Variants in JHY observed in about 807,000 individuals in gnomAD.
JHY encodes jhy protein homolog.
Under a neutral mutation model 78.0 loss-of-function variants are expected in JHY, and 69 were observed. The observed-to-expected ratio is 0.88, with a 90% CI of 0.73 to 1.08. The LOEUF is 1.08. Among genes scored for constraint, JHY ranks in the 50% least tolerant of loss-of-function variants. JHY has a pLI of 0.00. For missense variants in JHY, 944 were observed against 927.8 expected (o/e 1.02, Z -0.23); for synonymous variants, 368 against 342.6 (o/e 1.07, Z -0.82).
chr11:122,955,379 C>A (rs532596931), intron 6 of JHY, among the ~76,000 whole-genome samples: 27 of 152,122 alleles, frequency 1.8e-4, no homozygotes, highest in African/African-American at 5.6e-4. Context: ...CTTCAGCCCC[C>A]CAAAGTGCTG....
chr11:122,910,282 CT>C (rs576626290), intron 3 of JHY, among the ~76,000 whole-genome samples: 50 of 152,190 alleles, frequency 3.3e-4, no homozygotes, highest in Middle Eastern at 3.4e-3. Context: ...TGAGACCCGC[CT>C]GACCAACATG....
Position 122,959,280 on chromosome 11 carries a change from C to T in JHY, c.2172C>T (p.Pro724=), listed in dbSNP as rs1193545187. 6.2e-7 allele frequency: 1 copy of T among 1,613,958 alleles called. No individual in the cohort carries two copies. Among genetic ancestry groups the T allele is most frequent in the Non-Finnish European group, 8.5e-7 (1 of 1,180,040 alleles). Residue 724 remains proline (P), a synonymous_variant, in exon 9 of 9, where the codon CCC becomes CCT. Transcript: ENST00000227349. The part of the protein sequence containing the change: ...ALEYAKTIPK[P]KPSNLTHQAS... ...AATACGCTAAGACCATCCCCAAACC[C>T]AAACCATCAAATCTGACTCATCAAG... is the stretch of plus-strand genomic sequence containing the variant.
In JHY at chr11:122,960,967, A is replaced by G. The variant is rs1248074607; in HGVS notation, c.*1522A>G. On this transcript the variant is annotated 3_prime_UTR_variant, in exon 9 of 9. Transcript: ENST00000227349. ...CAGAACATGATGCGTTGAAAGGAAC[A>G]AGAGCACATGATAAATTGGGTGCAG... The G allele has an allele frequency of 1.3e-6, 1 of 769,294 alleles. No homozygotes were observed. Among genetic ancestry groups the G allele is most frequent in the Non-Finnish European group, 2.4e-6 (1 of 423,122 alleles). 47.7% of individuals were successfully genotyped at this position (769,294 alleles called of 1,614,324 possible).
intron 3 of JHY, among the ~76,000 whole-genome samples, chr11:122,911,732 C>T (rs919585903): frequency 6.6e-6 from 1 of 150,730 alleles, no homozygotes; most frequent in African/African-American, 2.4e-5. Flanking sequence ...ATGGAGAAAC[C>T]CCATCTCTAC....
intron 2 of JHY, among the ~76,000 whole-genome samples, chr11:122,889,314 T>C (rs1327019482): frequency 1.4e-5 from 1 of 73,390 alleles, no homozygotes; most frequent in African/African-American, 5.3e-5. Context: ...TTCGATAGAG[T>C]TGGCTTTCCG....
rs547253903 is a variant in JHY at position 122,921,230 on chromosome 11, T to C, written c.865-3667T>C. On this transcript the variant is annotated intron_variant, in intron 3 of 8. Coordinates refer to ENST00000227349, the MANE Select transcript of JHY (RefSeq NM_024806.4). ...GAAGCGTGGGACACTGTATTTTTAA[T>C]TTGTAAACTTTTCACCAGTGCTATG... Among the ~76,000 whole-genome samples the C allele has an allele frequency of 5.2e-4, 79 of 152,320 alleles. 1 individual carries two copies. Among genetic ancestry groups the C allele is most frequent in the African/African-American group, 1.9e-3 (77 of 41,578 alleles).
intron 3 of JHY, among the ~76,000 whole-genome samples, chr11:122,920,766 TA>T (rs937821888): frequency 1.3e-5 from 2 of 152,198 alleles, no homozygotes; most frequent in Non-Finnish European, 2.9e-5. Flanking sequence ...TACCTCAGTG[TA>T]AACACCTCAT....
Position 122,946,774 on chromosome 11 carries a change from G to C in JHY, c.1911G>C (p.Lys637Asn). 1.2e-6 allele frequency: 2 copies of C among 1,612,108 alleles called. No individual in the cohort carries two copies. Among genetic ancestry groups the C allele is most frequent in the Admixed American group, 1.7e-5 (1 of 59,558 alleles). ...AACTGGAAAAGGGAAAAAAGCATAA[G>C]AAAAGAAGCAGCAGTAAGGTAATAA... Reference protein sequence around the residue: ...LFQLEKGKKHKKRSSSKNTKL... With the variant: ...LFQLEKGKKHNKRSSSKNTKL... The change falls in exon 6 of 9, where the codon AAG becomes AAC. Residue 637 changes from lysine to asparagine, a missense_variant. Transcript: ENST00000227349.
At chr11:122,955,767 C>T (rs1483169647) in intron 6 of JHY, among the ~76,000 whole-genome samples, 2 of 152,096 alleles carry the variant, frequency 1.3e-5, no homozygotes, top group Non-Finnish European at 2.9e-5. Context: ...TATCTTTTCC[C>T]CCCAATAATC....
intron 3 of JHY, among the ~76,000 whole-genome samples, chr11:122,907,191 A>G (rs558628231): frequency 4.6e-5 from 7 of 152,150 alleles, no homozygotes; most frequent in African/African-American, 1.4e-4. Context: ...GTTTGACCTA[A>G]CAGTGACATA....
intron 5 of JHY, among the ~76,000 whole-genome samples, chr11:122,937,015 G>T (rs902116170): frequency 2.0e-5 from 3 of 152,038 alleles, no homozygotes; most frequent in South Asian, 4.1e-4. Context: ...TTTTGTTGTT[G>T]TTTGTGAGCA....
intron 3 of JHY, among the ~76,000 whole-genome samples, chr11:122,921,497 T>G (rs1285595539): frequency 3.3e-5 from 5 of 152,220 alleles, no homozygotes; most frequent in African/African-American, 1.2e-4. Context: ...CTTAGTTAGT[T>G]TTTTTACTCT....
rs1302567100 is a variant in JHY, at chr11:122,962,226, A to C, written c.*2781A>C. 6.6e-6 allele frequency among the ~76,000 whole-genome samples: 1 copy of C among 152,230 alleles called. No homozygotes were observed. Among genetic ancestry groups the C allele is most frequent in the African/African-American group, 2.4e-5 (1 of 41,462 alleles). ...ATGGACATTACATTTTTAGATAGGCATATCCAGAAGTGGATAATTTGAACA... is the reference window on the plus strand; with the variant it reads ...ATGGACATTACATTTTTAGATAGGCCTATCCAGAAGTGGATAATTTGAACA... On this transcript the variant is annotated 3_prime_UTR_variant, in exon 9 of 9. Transcript: ENST00000227349.
chr11:122,907,337 T>C (rs1053259776), intron 3 of JHY, among the ~76,000 whole-genome samples: 4 of 152,072 alleles, frequency 2.6e-5, no homozygotes, highest in African/African-American at 9.7e-5. Context: ...GGGTAGGAGC[T>C]AGGGTTTGTG....
chr11:122,908,062 G>T (rs1322544731), intron 3 of JHY, among the ~76,000 whole-genome samples: 1 of 152,084 alleles, frequency 6.6e-6, no homozygotes. Flanking sequence ...TGATTCCCTA[G>T]ATGAACCACT....
intron 3 of JHY, among the ~76,000 whole-genome samples, chr11:122,907,144 ACCTGGCTT>A (rs1311179867): frequency 2.6e-5 from 4 of 152,138 alleles, no homozygotes; most frequent in Non-Finnish European, 5.9e-5. Context: ...TGCATCACTG[ACCTGGCTT>A]CCTATTACTT....
At chr11:122,957,518 T>C in intron 8 of JHY, 27 bp downstream of exon 8, 2 of 1,525,426 alleles carry the variant, frequency 1.3e-6, no homozygotes, top group Non-Finnish European at 1.7e-6. Flanking sequence ...AAGGCATTTA[T>C]TTTTTCAAGC....
chr11:122,956,467 A>C (rs373308360), intron 6 of JHY, 29 bp from the exon 7 acceptor site: 2 of 1,609,640 alleles, frequency 1.2e-6, no homozygotes, highest in Non-Finnish European at 1.7e-6. Flanking sequence ...AGTCCTTAAA[A>C]GAAACTGTTT....
intron 2 of JHY, among the ~76,000 whole-genome samples, chr11:122,899,709 T>G (rs894764007): frequency 1.3e-5 from 2 of 152,202 alleles, no homozygotes; most frequent in African/African-American, 4.8e-5. Context: ...AGTGAAAAAT[T>G]AAGTAAGCAC....
Sources: gnomAD v4.1 joint callset for allele counts (sites outside exome capture counted in the v4.1 genomes callset) on GRCh38, gnomAD v4.1.1 for gene constraint, MANE v1.5 for transcripts, NCBI Gene and HGNC (gene_info 2026-07-23, HGNC 2026-07-21) for gene names.